NRIP1: variants seen among roughly 807,000 people sequenced by gnomAD.
NRIP1 encodes nuclear receptor interacting protein 1.
NRIP1 carries 28 observed loss-of-function variants against 75.0 expected under a neutral mutation model. The observed-to-expected ratio is 0.37, with a 90% CI of 0.28 to 0.51. The LOEUF (loss-of-function observed/expected upper bound fraction) is 0.51, where lower values mean the gene tolerates loss of function less well. NRIP1 is among the 20% of genes least tolerant of loss of function. NRIP1 has a pLI of 0.92. For synonymous variants in NRIP1, 526 were observed against 487.6 expected (o/e 1.08, Z -1.04); for missense variants, 1,435 against 1,343.7 (o/e 1.07, Z -1.06).
intron 3 of NRIP1, among the ~76,000 whole-genome samples, chr21:14,984,999 C>A (rs537253004): frequency 2.0e-5 from 3 of 152,058 alleles, no homozygotes; most frequent in Non-Finnish European, 4.4e-5. Flanking sequence ...ACTGAAAAAC[C>A]AAAAAATGTG....
intron 3 of NRIP1, among the ~76,000 whole-genome samples, chr21:14,988,495 A>ATG (rs1220704059): frequency 8.7e-6 from 1 of 114,956 alleles, no homozygotes. Context: ...GATAGTATAT[A>ATG]TATATGTGTG....
At chr21:14,993,639 G>A (rs1019410002) in intron 3 of NRIP1, among the ~76,000 whole-genome samples, 2 of 151,968 alleles carry the variant, frequency 1.3e-5, no homozygotes, top group South Asian at 4.1e-4. Context: ...TAAAAAAATA[G>A]CTGGGTGTGG....
Position 14,990,610 on chromosome 21 carries a change from A to C in NRIP1, c.-334-22084T>G, listed in dbSNP as rs548400437. 3.9e-5 allele frequency among the ~76,000 whole-genome samples: 6 copies of C among 152,360 alleles called. No individual in the cohort carries two copies. The South Asian group carries it at 1.2e-3, about 32-fold the overall frequency. On this transcript the variant is annotated intron_variant, in intron 3 of 3. Transcript: ENST00000318948. ...AACAGTAAGAAACAGCCAAGAGGTA[A>C]TGAAATCTTAAAAGAGATGCTGGTG...
At chr21:14,996,372 C>T (rs539165082) in intron 3 of NRIP1, among the ~76,000 whole-genome samples, 18 of 152,260 alleles carry the variant, frequency 1.2e-4, no homozygotes, top group African/African-American at 4.3e-4. Flanking sequence ...CAGTGCTCTC[C>T]GGTCTTTGGG....
rs150224360 is a variant in NRIP1, at chr21:15,055,435, A to T, written c.-538+9310T>A. ...TACATAACTGTACTATTCTTTTTTT[A>T]AATTCTCAGCCTGGAAATTACATTT... On this transcript the variant is annotated intron_variant, in intron 1 of 3. Transcript: ENST00000318948. Among the ~76,000 whole-genome samples, 194 of 152,332 alleles carry T rather than the reference A, an allele frequency of 1.3e-3. 1 individual carries two copies. Among genetic ancestry groups the T allele is most frequent in the African/African-American group, 4.5e-3 (189 of 41,580 alleles).
chr21:14,997,291 T>C (rs1017180195), intron 3 of NRIP1, among the ~76,000 whole-genome samples: 8 of 152,234 alleles, frequency 5.3e-5, no homozygotes, highest in Admixed American at 3.3e-4. Context: ...TTTATTGTAA[T>C]TCTAAACTGA....
intron 3 of NRIP1, among the ~76,000 whole-genome samples, chr21:14,972,360 G>A (rs1001373650): frequency 2.0e-5 from 3 of 152,120 alleles, no homozygotes; most frequent in South Asian, 2.1e-4. Flanking sequence ...AATGAGGCAC[G>A]ATACTAAATA....
chr21:14,964,538 CTAATGTTAAGCAAAAA>C lies in NRIP1; in HGVS notation c.*162_*177del. On this transcript the variant is annotated 3_prime_UTR_variant, in exon 4 of 4. Transcript: ENST00000318948. ...TAGTTCAGTAGTTTCCTCATGACATCTAATGTTAAGCAAAAATTAGTATGCATATTTCAACATCACC... is the reference window on the plus strand; with the variant it reads ...TAGTTCAGTAGTTTCCTCATGACATCTTAGTATGCATATTTCAACATCACC... 1.9e-6 allele frequency: 1 copy of C among 515,848 alleles called. No homozygotes were observed. The highest frequency in any genetic ancestry group is 3.3e-6 in the Non-Finnish European group (1 of 301,808). 32.0% of individuals were successfully genotyped at this position (515,848 alleles called of 1,614,324 possible). A position where few individuals can be genotyped will look rare whatever the true frequency, so the allele number is the denominator to read the frequency against.
At chr21:14,998,229 G>T (rs1301809790) in intron 3 of NRIP1, among the ~76,000 whole-genome samples, 1 of 152,210 alleles carries the variant, frequency 6.6e-6, no homozygotes, top group Non-Finnish European at 1.5e-5. Flanking sequence ...AACTAGGCAT[G>T]TGAATTTTGG....
rs967989564 is a variant in NRIP1, at chr21:14,969,889, TGAG to T, written c.-334-1366_-334-1364del. On this transcript the variant is annotated intron_variant, in intron 3 of 3. Coordinates refer to ENST00000318948, the MANE Select transcript of NRIP1 (RefSeq NM_003489.4). ...AATTTCAACTGTGTAAGGAGTAGGATGAGAAGAGACTTTCTTGAGATTCCAATG... is the reference window on the plus strand; with the variant it reads ...AATTTCAACTGTGTAAGGAGTAGGATAAGAGACTTTCTTGAGATTCCAATG... Among the ~76,000 whole-genome samples the T allele has an allele frequency of 1.9e-3, 287 of 152,312 alleles. 1 individual carries two copies. The highest frequency in any genetic ancestry group is 6.5e-3 in the African/African-American group (271 of 41,558).
chr21:15,010,457 GAGGCTT>G (rs2088075960), intron 3 of NRIP1, among the ~76,000 whole-genome samples: 1 of 151,300 alleles, frequency 6.6e-6, no homozygotes, highest in African/African-American at 2.4e-5. Context: ...AGTTGATATG[GAGGCTT>G]AGTCTAGTAG....
intron 1 of NRIP1, among the ~76,000 whole-genome samples, chr21:15,044,587 ACTCTCAATTCCTAGC>A (rs2089030790): frequency 6.6e-6 from 1 of 151,958 alleles, no homozygotes; most frequent in Admixed American, 6.6e-5. Flanking sequence ...TACTTCTAGA[ACTCTCAATTCCTAGC>A]CTATAACCTA....
At chr21:15,030,669 T>C (rs1231535562) in intron 2 of NRIP1, among the ~76,000 whole-genome samples, 1 of 152,224 alleles carries the variant, frequency 6.6e-6, no homozygotes, top group Non-Finnish European at 1.5e-5. Flanking sequence ...AACAATGTTC[T>C]ACAGAATAAG....
chr21:14,998,095 A>G (rs560771157), intron 3 of NRIP1, among the ~76,000 whole-genome samples: 31 of 152,166 alleles, frequency 2.0e-4, no homozygotes, highest in African/African-American at 5.3e-4. Flanking sequence ...TGTTTGGTCA[A>G]TTTGGCTTTC....
intron 3 of NRIP1, among the ~76,000 whole-genome samples, chr21:15,008,803 A>G (rs1568976446): frequency 6.6e-6 from 1 of 152,232 alleles, no homozygotes; most frequent in Non-Finnish European, 1.5e-5. Context: ...CAGGAGGCAC[A>G]TGAAGAAAAG....
At chr21:15,060,727 C>T (rs977903664) in intron 1 of NRIP1, among the ~76,000 whole-genome samples, 1 of 152,100 alleles carries the variant, frequency 6.6e-6, no homozygotes, top group Admixed American at 6.5e-5. Flanking sequence ...CGTTTCTCTC[C>T]CTCAAACAAC....
In NRIP1 at chr21:14,967,922, C is replaced by G; in HGVS notation, c.271G>C (p.Glu91Gln). The change falls in exon 4 of 4, where the codon GAG becomes CAG. Residue 91 changes from glutamate to glutamine, a missense_variant. Glu to Gln is a conservative substitution (Grantham distance 29, BLOSUM62 2). Coordinates refer to ENST00000318948, the MANE Select transcript of NRIP1 (RefSeq NM_003489.4). ...LKKARLLQSS[E>Q]DWNAAKRKRL... is the part of the protein sequence containing the mutation. Reference sequence around the variant, plus strand: ...TTCCGCTTTGCTGCATTCCAGTCCTCAGAAGACTGCAACAGTCTGGCTTTT... The same window carrying G: ...TTCCGCTTTGCTGCATTCCAGTCCTGAGAAGACTGCAACAGTCTGGCTTTT... 1.2e-6 allele frequency: 2 copies of G among 1,614,118 alleles called. No homozygotes were observed. Among genetic ancestry groups the G allele is most frequent in the Non-Finnish European group, 1.7e-6 (2 of 1,180,022 alleles).
intron 2 of NRIP1, among the ~76,000 whole-genome samples, chr21:15,023,945 T>C (rs921992267): frequency 1.3e-5 from 2 of 152,218 alleles, no homozygotes; most frequent in African/African-American, 4.8e-5. Flanking sequence ...CATTCAATAG[T>C]GTTGAAACAA....
At chr21:15,022,926 T>C (rs1252300571) in intron 2 of NRIP1, among the ~76,000 whole-genome samples, 1 of 152,260 alleles carries the variant, frequency 6.6e-6, no homozygotes, top group Non-Finnish European at 1.5e-5. Context: ...TGACACATGC[T>C]ACAACATAGT....
Sources: allele counts gnomAD v4.1 joint callset (sites outside exome capture counted in the v4.1 genomes callset), GRCh38; gene constraint gnomAD v4.1.1; transcripts MANE v1.5; gene names NCBI Gene and HGNC (gene_info 2026-07-23, HGNC 2026-07-21).